ZBTB16: variants seen among roughly 807,000 people sequenced by gnomAD.
The protein encoded by ZBTB16 is zinc finger and BTB domain-containing protein 16.
ZBTB16 carries 8 observed loss-of-function variants against 56.8 expected under a neutral mutation model. The observed-to-expected ratio is 0.14, with a 90% CI of 0.08 to 0.25. The LOEUF is 0.25. Among genes scored for constraint, ZBTB16 ranks in the 10% least tolerant of loss-of-function variants. The pLI, the probability that ZBTB16 is intolerant of heterozygous loss-of-function variation, is 1.00. For synonymous variants in ZBTB16, 363 were observed against 368.5 expected (o/e 0.98, Z 0.17); for missense variants, 625 against 903.0 (o/e 0.69, Z 3.95).
At chr11:114,216,887 A>G (rs1944112987) in intron 4 of ZBTB16, among the ~76,000 whole-genome samples, 1 of 152,148 alleles carries the variant, frequency 6.6e-6, no homozygotes, top group Admixed American at 6.5e-5. Flanking sequence ...TGAGAGGAAG[A>G]CAGACACATA....
At chr11:114,086,342 C>G (rs1939956850) in intron 2 of ZBTB16, among the ~76,000 whole-genome samples, 1 of 152,012 alleles carries the variant, frequency 6.6e-6, no homozygotes, top group Non-Finnish European at 1.5e-5. Flanking sequence ...TCATCCTGTC[C>G]AGCCTTCAAG....
chr11:114,152,519 C>T (rs906801522), intron 2 of ZBTB16, among the ~76,000 whole-genome samples: 55 of 152,140 alleles, frequency 3.6e-4, no homozygotes, highest in Admixed American at 3.9e-4. Context: ...TCTTTTTGGA[C>T]ATAAGTGAAA....
rs373792955 is a variant in ZBTB16, at chr11:114,136,677, G to T, written c.1269-19660G>T. Among the ~76,000 whole-genome samples, 15 of 152,138 alleles carry T rather than the reference G, an allele frequency of 9.9e-5. No homozygotes were observed. In the East Asian group the frequency reaches 2.1e-3, roughly 22 times the overall value. Reference sequence around the variant, plus strand: ...CAAGAGATGAATGAAAGTCATCATCGGGCAGATCACTGCCTACTAAAAGGG... The same window carrying T: ...CAAGAGATGAATGAAAGTCATCATCTGGCAGATCACTGCCTACTAAAAGGG... On this transcript the variant is annotated intron_variant, in intron 2 of 6. Transcript: ENST00000335953.
At chr11:114,108,834 GT>G (rs1247325961) in intron 2 of ZBTB16, among the ~76,000 whole-genome samples, 1 of 152,214 alleles carries the variant, frequency 6.6e-6, no homozygotes, top group Admixed American at 6.5e-5. Flanking sequence ...TCAAATGCAG[GT>G]TTTCCCGATT....
intron 4 of ZBTB16, among the ~76,000 whole-genome samples, chr11:114,192,341 G>A (rs1943515470): frequency 6.6e-6 from 1 of 152,098 alleles, no homozygotes; most frequent in African/African-American, 2.4e-5. Context: ...GATAGTCACA[G>A]GTCAGCCCCA....
chr11:114,187,489 C>T (rs558482443), intron 4 of ZBTB16: 24 of 234,864 alleles, frequency 1.0e-4, no homozygotes, highest in East Asian at 1.9e-4. Flanking sequence ...TCAGCGTGTA[C>T]GCAGGATGCA....
chr11:114,118,253 C>T (rs536448353), intron 2 of ZBTB16, among the ~76,000 whole-genome samples: 9 of 152,140 alleles, frequency 5.9e-5, no homozygotes, highest in Non-Finnish European at 8.8e-5. Flanking sequence ...CCTGGCTCAC[C>T]GCAACCTCCA....
intron 2 of ZBTB16, among the ~76,000 whole-genome samples, chr11:114,136,331 C>T (rs766557383): frequency 6.6e-6 from 1 of 152,176 alleles, no homozygotes; most frequent in African/African-American, 2.4e-5. Flanking sequence ...CACCCAAAAG[C>T]AACTGTGGAA....
At chr11:114,186,629 T>TC (rs60542657) in intron 3 of ZBTB16, among the ~76,000 whole-genome samples, 1 of 151,482 alleles carries the variant, frequency 6.6e-6, no homozygotes, top group South Asian at 2.1e-4. Context: ...TTTTCTCCTG[T>TC]CCCCCCCATC....
At chr11:114,213,053 C>A (rs1248806680) in intron 4 of ZBTB16, among the ~76,000 whole-genome samples, 3 of 151,924 alleles carry the variant, frequency 2.0e-5, no homozygotes, top group Non-Finnish European at 4.4e-5. Flanking sequence ...TCCCCCATCC[C>A]CCCGACCCCC....
intron 2 of ZBTB16, among the ~76,000 whole-genome samples, chr11:114,120,600 C>G (rs1447391793): frequency 6.6e-6 from 1 of 152,188 alleles, no homozygotes; most frequent in African/African-American, 2.4e-5. Context: ...ACTCTTCTTC[C>G]CCTCTGTCCC....
intron 4 of ZBTB16, among the ~76,000 whole-genome samples, chr11:114,190,643 A>G (rs61904663): frequency 0.39 from 59,892 of 151,778 alleles, 12,050 homozygotes; most frequent in East Asian, 0.44. Context: ...GGTCTCTGAA[A>G]AGCGGCATGG....
At chr11:114,190,599 G>T (rs1943467574) in intron 4 of ZBTB16, among the ~76,000 whole-genome samples, 3 of 152,096 alleles carry the variant, frequency 2.0e-5, no homozygotes, top group Admixed American at 2.0e-4. Flanking sequence ...CACTTTAAAA[G>T]ACATGAATTT....
intron 2 of ZBTB16, among the ~76,000 whole-genome samples, chr11:114,094,354 T>G (rs1270855426): frequency 1.3e-5 from 2 of 152,194 alleles, no homozygotes; most frequent in Non-Finnish European, 2.9e-5. Flanking sequence ...AATTGACTTT[T>G]TGAGTAAAAC....
At chr11:114,247,937 G>T (rs1161499711) in intron 6 of ZBTB16, among the ~76,000 whole-genome samples, 1 of 149,912 alleles carries the variant, frequency 6.7e-6, no homozygotes, top group Non-Finnish European at 1.5e-5. Context: ...CGCTCTTATT[G>T]GCCAGGCCGG....
intron 5 of ZBTB16, among the ~76,000 whole-genome samples, chr11:114,246,099 T>A (rs1294009456): frequency 6.6e-6 from 1 of 152,072 alleles, no homozygotes; most frequent in Non-Finnish European, 1.5e-5. Context: ...AAGAGTGGGA[T>A]CCTCAAAAAA....
intron 4 of ZBTB16, among the ~76,000 whole-genome samples, chr11:114,237,590 T>G (rs538611010): frequency 6.6e-6 from 1 of 152,300 alleles, no homozygotes; most frequent in South Asian, 2.1e-4. Context: ...CTAATACAAT[T>G]TTCTAGATAA....
chr11:114,079,375 T>C (rs998977593), intron 2 of ZBTB16, among the ~76,000 whole-genome samples: 1 of 152,206 alleles, frequency 6.6e-6, no homozygotes, highest in African/African-American at 2.4e-5. Context: ...TGAAATCTTT[T>C]GTTTTGGGCA....
chr11:114,122,567 A>G (rs1229488302), intron 2 of ZBTB16, among the ~76,000 whole-genome samples: 3 of 152,234 alleles, frequency 2.0e-5, no homozygotes, highest in Non-Finnish European at 2.9e-5. Flanking sequence ...GGACAGGAGC[A>G]TGGCCCCATC....
Sources: allele counts gnomAD v4.1 joint callset (sites outside exome capture counted in the v4.1 genomes callset), GRCh38; gene constraint gnomAD v4.1.1; transcripts MANE v1.5; gene names NCBI Gene and HGNC (gene_info 2026-07-23, HGNC 2026-07-21).